The following NTRK2 variants were observed in gnomAD, a reference collection of about 807,000 sequenced individuals.
The protein encoded by NTRK2 is BDNF/NT-3 growth factors receptor.
A neutral mutation model predicts 94.5 loss-of-function variants in NTRK2; 13 were observed. The observed-to-expected ratio is 0.14, with a 90% CI of 0.09 to 0.22. The LOEUF (loss-of-function observed/expected upper bound fraction) is 0.22, where lower values mean the gene tolerates loss of function less well. Ranked by LOEUF, NTRK2 falls within the 10% of genes least tolerant of loss-of-function variation. NTRK2 has a pLI of 1.00. For synonymous variants in NTRK2, 372 were observed against 407.4 expected (o/e 0.91, Z 1.05); for missense variants, 639 against 1,071.2 (o/e 0.60, Z 5.63).
chr9:84,803,743 G>A (rs192632597), intron 12 of NTRK2, among the ~76,000 whole-genome samples: 1 of 152,258 alleles, frequency 6.6e-6, no homozygotes, highest in East Asian at 1.9e-4. Flanking sequence ...GGCAGAGTTG[G>A]GTAATTCATG....
rs1289160612 is a variant in NTRK2, at chr9:85,004,642, G to A, written c.2173-15564G>A. 5.3e-5 allele frequency among the ~76,000 whole-genome samples: 8 copies of A among 152,292 alleles called. No individual in the cohort carries two copies. In the East Asian group the frequency reaches 1.5e-3, roughly 29 times the overall value. On this transcript the variant is annotated intron_variant, in intron 17 of 18. Coordinates refer to ENST00000277120, the MANE Select transcript of NTRK2 (RefSeq NM_006180.6). ...TCATAGGAGTTGACTAAGGGATTTA[G>A]AGGCAGAAAGGAAGATGCACAAAAA... is the stretch of plus-strand genomic sequence containing the variant.
intron 17 of NTRK2, among the ~76,000 whole-genome samples, chr9:84,977,069 ACT>A (rs1826969080): frequency 2.0e-5 from 3 of 152,246 alleles, no homozygotes; most frequent in African/African-American, 7.2e-5. Context: ...ATACTGAATC[ACT>A]GCTCCAAGGG....
intron 12 of NTRK2, among the ~76,000 whole-genome samples, chr9:84,788,088 G>T (rs1200672309): frequency 2.0e-5 from 3 of 152,134 alleles, no homozygotes; most frequent in Non-Finnish European, 4.4e-5. Flanking sequence ...CATGTATCAG[G>T]TATTACTATG....
intron 2 of NTRK2, among the ~76,000 whole-genome samples, chr9:84,695,377 G>A (rs1389315043): frequency 6.6e-6 from 1 of 152,184 alleles, no homozygotes; most frequent in Non-Finnish European, 1.5e-5. Flanking sequence ...TATTTGATAG[G>A]TTGTTAAAGC....
chr9:84,875,200 T>C, intron 14 of NTRK2: 1 of 1,058,252 alleles, frequency 9.4e-7, no homozygotes, highest in Non-Finnish European at 1.1e-6. Flanking sequence ...TTAATATTTC[T>C]ATAGTAATGG....
At chr9:84,822,809 G>A (rs966634349) in intron 12 of NTRK2, among the ~76,000 whole-genome samples, 7 of 152,174 alleles carry the variant, frequency 4.6e-5, no homozygotes, top group African/African-American at 1.7e-4. Flanking sequence ...CAAATGAGGC[G>A]ATAAATTCCT....
intron 2 of NTRK2, among the ~76,000 whole-genome samples, chr9:84,691,616 G>T (rs2060053091): frequency 2.0e-5 from 3 of 152,200 alleles, no homozygotes. Flanking sequence ...CTGTGTGCTT[G>T]TTCAGGTGGA....
chr9:84,715,853 G>A (rs926087966), intron 6 of NTRK2, among the ~76,000 whole-genome samples: 28 of 152,126 alleles, frequency 1.8e-4, no homozygotes, highest in African/African-American at 6.5e-4. Flanking sequence ...AAACCTTTCA[G>A]TCACCTCCCC....
intron 12 of NTRK2, among the ~76,000 whole-genome samples, chr9:84,820,068 G>A (rs1038334642): frequency 7.9e-5 from 12 of 151,816 alleles, no homozygotes; most frequent in Middle Eastern, 3.2e-3. Flanking sequence ...CAATGTGGGG[G>A]TTAAGGGCAC....
Position 84,812,316 on chromosome 9 carries a change from T to G in NTRK2, c.1397-48724T>G, listed in dbSNP as rs1465890635. 9.5e-6 allele frequency: 10 copies of G among 1,057,942 alleles called. No individual in the cohort carries two copies. In the East Asian group the frequency reaches 2.1e-4, roughly 22 times the overall value. 65.5% of individuals were successfully genotyped at this position (1,057,942 alleles called of 1,614,324 possible). Reference sequence around the variant, plus strand: ...AAGACCTTTCACAGAATCCTATGGATTGCAGCATTTCACTTGGCTACTTCA... The same window carrying G: ...AAGACCTTTCACAGAATCCTATGGAGTGCAGCATTTCACTTGGCTACTTCA... On this transcript the variant is annotated intron_variant, in intron 12 of 18. Transcript: ENST00000277120.
chr9:84,848,850 C>CA (rs1209548617), intron 12 of NTRK2, among the ~76,000 whole-genome samples: 28 of 152,068 alleles, frequency 1.8e-4, no homozygotes, highest in African/African-American at 6.5e-4. Flanking sequence ...GAAAATATGG[C>CA]AAAAATATGA....
chr9:84,833,779 A>C (rs965910291), intron 12 of NTRK2, among the ~76,000 whole-genome samples: 1 of 152,142 alleles, frequency 6.6e-6, no homozygotes, highest in Non-Finnish European at 1.5e-5. Context: ...TGATAACCCA[A>C]ATCAAGTAAC....
Position 84,709,961 on chromosome 9 carries a change from C to CTGTGTGTGTG in NTRK2, c.429-641_429-632dup, listed in dbSNP as rs35954183. 5.7e-4 allele frequency among the ~76,000 whole-genome samples: 66 copies of CTGTGTGTGTG among 115,342 alleles called. No homozygotes were observed. The Middle Eastern group carries it at 0.016, about 28-fold the overall frequency. 75.7% of individuals were successfully genotyped at this position (115,342 alleles called of 152,430 possible). A position where few individuals can be genotyped will look rare whatever the true frequency, so the allele number is the denominator to read the frequency against. On this transcript the variant is annotated intron_variant, in intron 5 of 18. Transcript: ENST00000277120. Reference sequence around the variant, plus strand: ...TGCCTTGCCCTCAGAATAGCTTGCTCTGTGTGTGTGTGTGTGTGTGTGTGT... The same window carrying CTGTGTGTGTG: ...TGCCTTGCCCTCAGAATAGCTTGCTCTGTGTGTGTGTGTGTGTGTGTGTGTGTGTGTGTGT...
chr9:84,928,426 C>T (rs1261006923), intron 14 of NTRK2, among the ~76,000 whole-genome samples: 6 of 152,088 alleles, frequency 3.9e-5, no homozygotes, highest in Admixed American at 1.3e-4. Flanking sequence ...AGGAGATGTG[C>T]GGCTCATTTC....
intron 17 of NTRK2, among the ~76,000 whole-genome samples, chr9:84,991,497 C>G (rs190211475): frequency 2.0e-5 from 3 of 152,254 alleles, no homozygotes; most frequent in Non-Finnish European, 4.4e-5. Context: ...GGTTCTCAAC[C>G]GTGGAAGCTC....
At chr9:84,711,198 C>T (rs1396848250) in intron 6 of NTRK2, among the ~76,000 whole-genome samples, 1 of 152,208 alleles carries the variant, frequency 6.6e-6, no homozygotes, top group Non-Finnish European at 1.5e-5. Context: ...TGAAAGTGTC[C>T]TGGCAGCACA....
chr9:84,801,965 A>G (rs1372398331), intron 12 of NTRK2, among the ~76,000 whole-genome samples: 5 of 152,222 alleles, frequency 3.3e-5, no homozygotes, highest in Non-Finnish European at 7.3e-5. Context: ...TGTCCATCAC[A>G]TGTTTTTCAA....
intron 16 of NTRK2, among the ~76,000 whole-genome samples, chr9:84,952,120 T>C (rs1161849168): frequency 1.3e-5 from 2 of 152,352 alleles, no homozygotes; most frequent in Admixed American, 6.5e-5. Context: ...CATTTTAATA[T>C]GTTTCAGGGT....
chr9:84,842,107 C>A (rs1048844333), intron 12 of NTRK2, among the ~76,000 whole-genome samples: 1 of 152,172 alleles, frequency 6.6e-6, no homozygotes, highest in Non-Finnish European at 1.5e-5. Flanking sequence ...CCCTGCTAAT[C>A]CCCTGTTTTC....
Sources: allele counts gnomAD v4.1 joint callset (sites outside exome capture counted in the v4.1 genomes callset), GRCh38; gene constraint gnomAD v4.1.1; transcripts MANE v1.5; gene names NCBI Gene and HGNC (gene_info 2026-07-23, HGNC 2026-07-21).